Variants in PTPRE observed in about 807,000 individuals in gnomAD.
PTPRE encodes the protein receptor-type tyrosine-protein phosphatase epsilon.
In PTPRE, 51 loss-of-function variants were observed where a neutral mutation model predicts 102.0. The ratio of observed to expected loss-of-function variants is 0.50; its 90% CI spans 0.40 to 0.63. The LOEUF (loss-of-function observed/expected upper bound fraction) is 0.63, where lower values mean the gene tolerates loss of function less well. Ranked by LOEUF, PTPRE falls within the 30% of genes least tolerant of loss-of-function variation. The pLI is 0.00. For synonymous variants in PTPRE, 345 were observed against 348.2 expected, an observed-to-expected ratio of 0.99 and a Z score of 0.10; for missense variants, 752 against 915.1, an observed-to-expected ratio of 0.82 and a Z score of 2.30.
chr10:127,909,840 T>G (rs1263416989), intron 1 of PTPRE, among the ~76,000 whole-genome samples: 1 of 152,176 alleles, frequency 6.6e-6, no homozygotes, highest in African/African-American at 2.4e-5. Context: ...TGTTGTATGG[T>G]TGATAGGCAG....
At chr10:128,046,112 C>T (rs1337476647) in intron 3 of PTPRE, among the ~76,000 whole-genome samples, 1 of 152,220 alleles carries the variant, frequency 6.6e-6, no homozygotes, top group Admixed American at 6.5e-5. Flanking sequence ...AACGATGGTG[C>T]GGACCACTCA....
At chr10:128,069,588 A>T in intron 12 of PTPRE, 104 bp from the exon 13 acceptor site, 9 of 1,499,658 alleles carry the variant, frequency 6.0e-6, no homozygotes, top group Non-Finnish European at 6.3e-6. Context: ...CAAAAAAACA[A>T]AAAGTTGCAT....
chr10:128,079,379 T>C (rs1163875368), intron 19 of PTPRE, among the ~76,000 whole-genome samples, 181 bp from the exon 20 acceptor site: 1 of 152,192 alleles, frequency 6.6e-6, no homozygotes, highest in African/African-American at 2.4e-5. Context: ...ATTTTACATT[T>C]GCTAAATCTT....
intron 1 of PTPRE, among the ~76,000 whole-genome samples, chr10:127,919,778 G>C (rs78329332): frequency 1.3e-5 from 2 of 152,174 alleles, no homozygotes; most frequent in African/African-American, 4.8e-5. Context: ...AGGCAGTAGC[G>C]TGTGGAAACA....
Position 127,907,392 on chromosome 10 carries a change from C to T in PTPRE, c.-31+83C>T. 6 of 959,952 alleles carry T rather than the reference C, an allele frequency of 6.3e-6. No individual in the cohort carries two copies. Among genetic ancestry groups the T allele is most frequent in the Non-Finnish European group, 7.4e-6 (6 of 807,394 alleles). 59.5% of individuals were successfully genotyped at this position (959,952 alleles called of 1,614,324 possible). The stretch of plus-strand genomic sequence containing the variant: ...AGGCCCAAGCAGGCCGGGGCGCTGC[C>T]TCGGCCGCTGCCGCGGGAGGGAGGG... On this transcript the variant is annotated intron_variant, in intron 1 of 20. Transcript: ENST00000254667. The surrounding 1 kb of genome is among the most constrained non-coding windows in gnomAD (Gnocchi z 4.8).
At chr10:128,015,780 C>T (rs1845375037) in intron 2 of PTPRE, among the ~76,000 whole-genome samples, 1 of 152,128 alleles carries the variant, frequency 6.6e-6, no homozygotes, top group Non-Finnish European at 1.5e-5. Context: ...AACTGCACTG[C>T]AACCTGGGGG....
intron 1 of PTPRE, among the ~76,000 whole-genome samples, chr10:127,923,127 T>C (rs748040287): frequency 5.3e-5 from 8 of 152,270 alleles, no homozygotes; most frequent in Non-Finnish European, 1.0e-4. Context: ...GCATAGCGGC[T>C]GGCGTGCCAT....
At chr10:128,046,497 G>A (rs1848101912) in intron 3 of PTPRE, among the ~76,000 whole-genome samples, 1 of 152,236 alleles carries the variant, frequency 6.6e-6, no homozygotes, top group South Asian at 2.1e-4. Context: ...GCAGAGCGAG[G>A]TTTGCGCTTT....
rs1330593766 is a variant in PTPRE at position 128,083,076 on chromosome 10, T to A, written c.*170T>A. On this transcript the variant is annotated 3_prime_UTR_variant, in exon 21 of 21. Coordinates refer to ENST00000254667, the MANE Select transcript of PTPRE (RefSeq NM_006504.6). ...GTTGTTAAATCTTAAATATGCTTTT[T>A]AAAAATTGGAATAATGTATTAAGGT... 1 of 518,238 alleles carries A rather than the reference T, an allele frequency of 1.9e-6. No homozygotes were observed. Among genetic ancestry groups the A allele is most frequent in the African/African-American group, 2.0e-5 (1 of 50,114 alleles). 32.1% of individuals were successfully genotyped at this position (518,238 alleles called of 1,614,324 possible).
chr10:127,921,047 G>A (rs963755329), intron 1 of PTPRE, among the ~76,000 whole-genome samples: 2 of 151,946 alleles, frequency 1.3e-5, no homozygotes, highest in Admixed American at 6.5e-5. Flanking sequence ...ATCCAGGCTT[G>A]GGCCCTCTGT....
intron 2 of PTPRE, among the ~76,000 whole-genome samples, chr10:128,026,203 G>T (rs1202862890): frequency 6.6e-6 from 1 of 152,210 alleles, no homozygotes; most frequent in East Asian, 1.9e-4. Flanking sequence ...TCTCTGGTTG[G>T]CCAGCCAGGT....
intron 1 of PTPRE, among the ~76,000 whole-genome samples, chr10:127,925,684 TC>T (rs1420980855): frequency 1.3e-5 from 2 of 152,142 alleles, no homozygotes; most frequent in African/African-American, 2.4e-5. Context: ...CTGCAACAGT[TC>T]CAAAGCATCC....
At chr10:127,942,576 C>T (rs968115233) in intron 1 of PTPRE, among the ~76,000 whole-genome samples, 3 of 152,194 alleles carry the variant, frequency 2.0e-5, no homozygotes, top group Non-Finnish European at 4.4e-5. Flanking sequence ...TGCTGCAACA[C>T]GGATGAACCT....
At chr10:127,962,125 T>C (rs933356564) in intron 1 of PTPRE, among the ~76,000 whole-genome samples, 3 of 152,200 alleles carry the variant, frequency 2.0e-5, no homozygotes, top group African/African-American at 7.2e-5. Flanking sequence ...TTCTTCTTCT[T>C]TGCCAGGGCC....
intron 2 of PTPRE, among the ~76,000 whole-genome samples, chr10:128,029,094 T>C (rs1337104006): frequency 2.6e-5 from 4 of 152,198 alleles, no homozygotes; most frequent in Non-Finnish European, 5.9e-5. Flanking sequence ...GTGGCTTTCA[T>C]CTTCCAGCTC....
At position 128,070,481 on chromosome 10, in the gene PTPRE, G is replaced by C; in HGVS notation, c.1293+31G>C. The C allele has an allele frequency of 2.5e-6, 4 of 1,602,622 alleles. No individual in the cohort carries two copies. The highest frequency in any genetic ancestry group is 3.4e-6 in the Non-Finnish European group (4 of 1,174,820). ...TACAGCTGACCCTCCTCTCCATCCTGGTGTAAGCAGCCAAGGGCACGAGGA... is the reference window on the plus strand; with the variant it reads ...TACAGCTGACCCTCCTCTCCATCCTCGTGTAAGCAGCCAAGGGCACGAGGA... On this transcript the variant is annotated intron_variant, in intron 14 of 20. Transcript: ENST00000254667. This position sits in a 1 kb window ranked among gnomAD's most constrained non-coding sequence, Gnocchi z 4.8.
intron 1 of PTPRE, among the ~76,000 whole-genome samples, chr10:127,937,323 A>C (rs1040975016): frequency 3.3e-5 from 5 of 152,278 alleles, no homozygotes; most frequent in African/African-American, 1.2e-4. Context: ...CCATCCACTC[A>C]TACTGGAATT....
chr10:128,073,016 T>C (rs1850915732), intron 16 of PTPRE, among the ~76,000 whole-genome samples: 2 of 152,158 alleles, frequency 1.3e-5, no homozygotes, highest in Admixed American at 1.3e-4. Flanking sequence ...CATGCTGATC[T>C]AGCTGAAACA....
In PTPRE at chr10:128,085,605, TA is replaced by T; in HGVS notation, c.*2700del. On this transcript the variant is annotated 3_prime_UTR_variant, in exon 21 of 21. Coordinates refer to ENST00000254667, the MANE Select transcript of PTPRE (RefSeq NM_006504.6). Reference sequence around the variant, plus strand: ...TCAGCATTTGGAGACATCCCCATGTTATTCTTTTAAGTGTATAATTACTGAT... The same window carrying T: ...TCAGCATTTGGAGACATCCCCATGTTTTCTTTTAAGTGTATAATTACTGAT... 1 of 152,786 alleles carries T rather than the reference TA, an allele frequency of 6.5e-6. No homozygotes were observed. The allele number at this position is 152,786 out of a possible 1,614,324, so 9.5% of individuals were successfully genotyped here.
Sources: gnomAD v4.1 joint callset for allele counts (sites outside exome capture counted in the v4.1 genomes callset) on GRCh38, gnomAD v4.1.1 for gene constraint, Gnocchi (gnomAD v3.1) non-coding constraint, MANE v1.5 for transcripts, NCBI Gene and HGNC (gene_info 2026-07-23, HGNC 2026-07-21) for gene names.